Variants in RAB5A observed in about 807,000 individuals in gnomAD.
RAB5A encodes RAB5A, member RAS oncogene family.
In RAB5A, 8 loss-of-function variants were observed where a neutral mutation model predicts 25.7. That is an observed-to-expected ratio of 0.31 (90% CI 0.18 to 0.56). The LOEUF (loss-of-function observed/expected upper bound fraction) is 0.56. Among genes scored for constraint, RAB5A ranks in the 20% least tolerant of loss-of-function variants. The pLI is 0.91. For synonymous variants in RAB5A, 98 were observed against 89.8 expected, an observed-to-expected ratio of 1.09 and a Z score of -0.52; for missense variants, 192 against 259.7, an observed-to-expected ratio of 0.74 and a Z score of 1.79.
At chr3:19,980,346 T>C (rs1001658043) in intron 5 of RAB5A, among the ~76,000 whole-genome samples, 2 of 152,226 alleles carry the variant, frequency 1.3e-5, no homozygotes, top group Non-Finnish European at 2.9e-5. Flanking sequence ...TATTTTAGTT[T>C]TTTGTTTTTT....
chr3:19,965,972 C>A (rs1032412909), intron 2 of RAB5A, among the ~76,000 whole-genome samples: 1 of 152,166 alleles, frequency 6.6e-6, no homozygotes, highest in African/African-American at 2.4e-5. Flanking sequence ...AAGCAGCATA[C>A]CCGCCTGGGC....
chr3:19,979,477 G>C (rs1354652936), intron 5 of RAB5A, among the ~76,000 whole-genome samples: 1 of 150,704 alleles, frequency 6.6e-6, no homozygotes, highest in Non-Finnish European at 1.5e-5. Context: ...AGTAGAGACG[G>C]GGTTTCACCA....
At position 19,984,831 on chromosome 3, in the gene RAB5A, C is replaced by G. The variant is rs975464992; in HGVS notation, c.*1008C>G. On this transcript the variant is annotated 3_prime_UTR_variant, in exon 6 of 6. Transcript: ENST00000273047. ...AAACAGCTAATTATTTCTCTCTCCC[C>G]CTTTGACAGGAAGGGGCTTCAGTTG... The G allele has an allele frequency of 6.5e-6, 1 of 152,856 alleles. No homozygotes were observed. The highest frequency in any genetic ancestry group is 2.1e-4 in the South Asian group (1 of 4,838). The allele number at this position is 152,856 out of a possible 1,614,324, so 9.5% of individuals were successfully genotyped here.
chr3:19,966,442 T>G (rs539329976), intron 2 of RAB5A, among the ~76,000 whole-genome samples: 100 of 152,364 alleles, frequency 6.6e-4, no homozygotes, highest in African/African-American at 2.3e-3. Flanking sequence ...TGTCCATCAT[T>G]GGACACTTAG....
intron 2 of RAB5A, 174 bp downstream of exon 2, chr3:19,951,235 T>C (rs950232109): frequency 3.2e-6 from 2 of 625,462 alleles, no homozygotes; most frequent in Non-Finnish European, 5.1e-6. Context: ...AAATGATGTG[T>C]TTTTATATTT....
At chr3:19,974,741 A>AAAAAAAG (rs1170832902) in intron 2 of RAB5A, among the ~76,000 whole-genome samples, 44 of 152,144 alleles carry the variant, frequency 2.9e-4, no homozygotes, top group African/African-American at 1.0e-3. Context: ...AAAAAAAGAT[A>AAAAAAAG]ATATAACAAG....
intron 5 of RAB5A, chr3:19,978,662 A>G (rs1143451): frequency 0.17 from 48,400 of 290,442 alleles, 4,170 homozygotes; most frequent in South Asian, 0.2. Flanking sequence ...AGCTTCTTCC[A>G]GGTGAGTTAA....
chr3:19,978,596 TA>T (rs1348301228), intron 5 of RAB5A, 193 bp downstream of exon 5: 1 of 501,650 alleles, frequency 2.0e-6, no homozygotes, highest in Non-Finnish European at 3.6e-6. Context: ...TTGTTGGTAA[TA>T]TTGTTAAATT....
chr3:19,954,358 T>A (rs1180850140), intron 2 of RAB5A, among the ~76,000 whole-genome samples: 2 of 152,208 alleles, frequency 1.3e-5, no homozygotes, highest in African/African-American at 2.4e-5. Flanking sequence ...TCTCCTAACA[T>A]GAGTTATTGT....
intron 2 of RAB5A, among the ~76,000 whole-genome samples, chr3:19,960,268 G>T (rs1559487507): frequency 6.6e-6 from 1 of 152,160 alleles, no homozygotes. Flanking sequence ...GGAGAATAAA[G>T]ATGTGTGAGA....
intron 2 of RAB5A, among the ~76,000 whole-genome samples, chr3:19,955,033 C>T (rs990766707): frequency 2.0e-5 from 3 of 152,164 alleles, no homozygotes; most frequent in African/African-American, 7.2e-5. Flanking sequence ...AGAGAGTTGT[C>T]TTCCTTCTTT....
At chr3:19,981,192 A>G (rs544324336) in intron 5 of RAB5A, among the ~76,000 whole-genome samples, 1 of 152,302 alleles carries the variant, frequency 6.6e-6, no homozygotes, top group East Asian at 1.9e-4. Context: ...AACTACAGCA[A>G]TCTCCAACTT....
At chr3:19,975,997 G>C (rs4858122) in intron 3 of RAB5A, 50 bp from the exon 4 acceptor site, 1,172,006 of 1,578,178 alleles carry the variant, frequency 0.74, 442,315 homozygotes, top group Non-Finnish European at 0.78. Context: ...AAAGATGCTT[G>C]GTAACCATTT....
chr3:19,954,414 G>A (rs534419307), intron 2 of RAB5A, among the ~76,000 whole-genome samples: 9 of 152,286 alleles, frequency 5.9e-5, no homozygotes, highest in African/African-American at 1.9e-4. Context: ...GTGTTCGAAG[G>A]TGGATATCAT....
At chr3:19,954,663 C>T (rs759717149) in intron 2 of RAB5A, among the ~76,000 whole-genome samples, 1 of 151,974 alleles carries the variant, frequency 6.6e-6, no homozygotes, top group East Asian at 1.9e-4. Context: ...ACAAAAAATA[C>T]GAAAATTAAC....
At position 19,984,618 on chromosome 3, in the gene RAB5A, G is replaced by T. The variant is rs1426070149; in HGVS notation, c.*795G>T. On this transcript the variant is annotated 3_prime_UTR_variant, in exon 6 of 6. Coordinates refer to ENST00000273047, the MANE Select transcript of RAB5A (RefSeq NM_004162.5). Reference sequence around the variant, plus strand: ...GGTTTTGTTGTTTGGGGTGGGGAGGGGGCTTTTGTTCCCTTTTGACATAAT... The same window carrying T: ...GGTTTTGTTGTTTGGGGTGGGGAGGTGGCTTTTGTTCCCTTTTGACATAAT... 1.9e-5 allele frequency: 3 copies of T among 161,268 alleles called. No homozygotes were observed. The highest frequency in any genetic ancestry group is 1.9e-4 in the East Asian group (1 of 5,242). The allele number at this position is 161,268 out of a possible 1,614,324, so 10.0% of individuals were successfully genotyped here. A position where few individuals can be genotyped will look rare whatever the true frequency, so the allele number is the denominator to read the frequency against.
intron 2 of RAB5A, among the ~76,000 whole-genome samples, chr3:19,955,740 A>T (rs184280550): frequency 6.6e-6 from 1 of 152,082 alleles, no homozygotes; most frequent in African/African-American, 2.4e-5. Context: ...AAAATACAAA[A>T]ATTAGCCAGG....
intron 2 of RAB5A, among the ~76,000 whole-genome samples, chr3:19,957,008 C>G (rs1696514052): frequency 6.8e-6 from 1 of 147,630 alleles, no homozygotes; most frequent in African/African-American, 2.5e-5. Flanking sequence ...GTGGTGGCAT[C>G]AAAGCTCACT....
At chr3:19,977,857 T>TA (rs1298960243) in intron 4 of RAB5A, among the ~76,000 whole-genome samples, 1 of 152,246 alleles carries the variant, frequency 6.6e-6, no homozygotes, top group African/African-American at 2.4e-5. Flanking sequence ...AAGATTATAA[T>TA]ATTGCTGTAG....
Sources: allele counts gnomAD v4.1 joint callset (sites outside exome capture counted in the v4.1 genomes callset), GRCh38; gene constraint gnomAD v4.1.1; transcripts MANE v1.5; gene names NCBI Gene and HGNC (gene_info 2026-07-23, HGNC 2026-07-21).